KAZN: variants seen among roughly 807,000 people sequenced by gnomAD.
KAZN encodes the protein kazrin.
Under a neutral mutation model 87.4 loss-of-function variants are expected in KAZN, and 40 were observed. The ratio of observed to expected loss-of-function variants is 0.46; its 90% CI spans 0.36 to 0.60. The LOEUF (loss-of-function observed/expected upper bound fraction) is 0.60, where lower values mean the gene tolerates loss of function less well. KAZN is among the 20% of genes least tolerant of loss of function. The pLI, the probability that KAZN is intolerant of heterozygous loss-of-function variation, is 0.00. For missense variants in KAZN, 898 were observed against 1,073.9 expected, an observed-to-expected ratio of 0.84 and a Z score of 2.29; for synonymous variants, 466 against 458.3, an observed-to-expected ratio of 1.02 and a Z score of -0.22.
At chr1:14,596,427 A>G (rs1424928956), upstream of KAZN, among the ~76,000 whole-genome samples, 1 of 152,204 alleles carries the variant, frequency 6.6e-6, no homozygotes, top group Non-Finnish European at 1.5e-5. Flanking sequence ...ATTTGCATAT[A>G]TGACTTTTTG....
chr1:14,886,254 A>G lies in KAZN; in HGVS notation c.227-74430A>G, dbSNP rs553050342. Among the ~76,000 whole-genome samples the G allele has an allele frequency of 3.2e-4, 48 of 151,648 alleles. 3 individuals carry two copies. The South Asian group carries it at 9.6e-3, about 30-fold the overall frequency. ...CTGGGCAACACAGCCATACCACATC[A>G]CTACAAAAAGATTAAAAAATCAGCT... On this transcript the variant is annotated intron_variant, in intron 1 of 14. Coordinates refer to ENST00000376030, the MANE Select transcript of KAZN (RefSeq NM_201628.3).
intron 1 of KAZN, among the ~76,000 whole-genome samples, chr1:14,030,788 A>G (rs1053967895): frequency 6.6e-6 from 1 of 152,098 alleles, no homozygotes; most frequent in Non-Finnish European, 1.5e-5. Flanking sequence ...GTTACTAACG[A>G]CTTAAGGACA....
At chr1:14,419,207 G>A (rs928528683) in intron 2 of KAZN, among the ~76,000 whole-genome samples, 1 of 152,198 alleles carries the variant, frequency 6.6e-6, no homozygotes, top group Non-Finnish European at 1.5e-5. Flanking sequence ...GTGACGCTGT[G>A]AGGACACTGT....
chr1:13,973,199 G>C (rs187850312), intron 1 of KAZN, among the ~76,000 whole-genome samples: 17 of 152,146 alleles, frequency 1.1e-4, no homozygotes, highest in Admixed American at 9.2e-4. Flanking sequence ...GTTCTCCCTT[G>C]ACATGTATCA....
intron 2 of KAZN, among the ~76,000 whole-genome samples, chr1:14,572,753 C>T (rs1674949201): frequency 6.6e-6 from 1 of 152,138 alleles, no homozygotes; most frequent in Non-Finnish European, 1.5e-5. Flanking sequence ...CCCCCCACTC[C>T]CCTGGAAGAG....
rs182139165 is a variant in KAZN, at chr1:14,390,319, T to G, written c.250-208664T>G. ...AGACAGAAAATAAGATTAAGAAAAA[T>G]GTACAGTATGATTTATAATGTAAAC... On this transcript the variant is annotated intron_variant, in intron 2 of 16. Coordinates refer to the KAZN transcript ENST00000636203. 5.5e-3 allele frequency among the ~76,000 whole-genome samples: 842 copies of G among 152,196 alleles called. 5 individuals are homozygous for G. The highest frequency in any genetic ancestry group is 7.8e-3 in the Non-Finnish European group (530 of 68,012).
intron 2 of KAZN, among the ~76,000 whole-genome samples, chr1:14,287,194 G>A (rs756268843): frequency 1.2e-4 from 18 of 152,074 alleles, no homozygotes; most frequent in African/African-American, 3.1e-4. Context: ...CCTTGACACC[G>A]TTTTACATTT....
At chr1:14,632,832 G>A (rs776450011) in intron 1 of KAZN, among the ~76,000 whole-genome samples, 7 of 152,162 alleles carry the variant, frequency 4.6e-5, no homozygotes, top group African/African-American at 7.2e-5. Flanking sequence ...GGACCGTGGC[G>A]TGACCTGAAT....
intron 1 of KAZN, among the ~76,000 whole-genome samples, chr1:14,894,942 G>T (rs1454547526): frequency 3.3e-5 from 5 of 152,256 alleles, no homozygotes; most frequent in Non-Finnish European, 4.4e-5. Context: ...CTGCCCCAGA[G>T]GCTTCTCTCT....
chr1:14,326,499 G>C (rs1656433944), intron 2 of KAZN, among the ~76,000 whole-genome samples: 2 of 152,194 alleles, frequency 1.3e-5, no homozygotes, highest in South Asian at 2.1e-4. Flanking sequence ...TAACAACACA[G>C]TAGCCAGGAT....
chr1:14,674,411 C>T (rs1416371495), intron 1 of KAZN, among the ~76,000 whole-genome samples: 1 of 152,202 alleles, frequency 6.6e-6, no homozygotes, highest in East Asian at 1.9e-4. Flanking sequence ...GCAAAGGTCA[C>T]CCTGGGCTCC....
At chr1:14,674,664 T>C (rs1477339231) in intron 1 of KAZN, among the ~76,000 whole-genome samples, 1 of 152,248 alleles carries the variant, frequency 6.6e-6, no homozygotes, top group Non-Finnish European at 1.5e-5. Context: ...TATTGATGTT[T>C]CTTTGGCAGT....
At chr1:14,444,070 A>C (rs1490699162) in intron 2 of KAZN, among the ~76,000 whole-genome samples, 4 of 152,142 alleles carry the variant, frequency 2.6e-5, no homozygotes, top group Non-Finnish European at 5.9e-5. Context: ...CATTGAACCT[A>C]CCTGGATTAT....
intron 2 of KAZN, among the ~76,000 whole-genome samples, chr1:14,473,904 G>C (rs534944321): frequency 6.6e-6 from 1 of 152,130 alleles, no homozygotes; most frequent in Non-Finnish European, 1.5e-5. Context: ...TCAAATGCTG[G>C]CACCTCTGAA....
rs2101513414 is a variant in KAZN, at chr1:14,923,692, C to A, written c.227-36992C>A. Among the ~76,000 whole-genome samples the A allele has an allele frequency of 6.6e-6, 1 of 152,334 alleles. No homozygotes were observed. The highest frequency in any genetic ancestry group is 2.1e-4 in the South Asian group (1 of 4,830). ...AGCATTCCCCTCACTTAGAGGATGG[C>A]CGGTCACACGCAAAGATGAGCGAAG... On this transcript the variant is annotated intron_variant, in intron 1 of 14. Coordinates refer to ENST00000376030, the MANE Select transcript of KAZN (RefSeq NM_201628.3). This position sits in a 1 kb window ranked among gnomAD's most constrained non-coding sequence, Gnocchi z 4.2.
chr1:14,304,353 G>A (rs1268130087), intron 2 of KAZN, among the ~76,000 whole-genome samples: 8 of 152,104 alleles, frequency 5.3e-5, no homozygotes, highest in Admixed American at 5.2e-4. Context: ...TATTCCTAAG[G>A]ACCTGGTCAG....
chr1:14,945,779 G>A, intron 1 of KAZN: 1 of 609,456 alleles, frequency 1.6e-6, no homozygotes, highest in Non-Finnish European at 2.1e-6. Flanking sequence ...CTGCCCCGCA[G>A]CACTTTCAAG....
At chr1:14,443,941 C>A (rs755188465) in intron 2 of KAZN, among the ~76,000 whole-genome samples, 3 of 152,110 alleles carry the variant, frequency 2.0e-5, no homozygotes, top group Non-Finnish European at 4.4e-5. Context: ...CTAAGCAGAG[C>A]CACCACCTGA....
intron 1 of KAZN, among the ~76,000 whole-genome samples, chr1:14,872,809 C>G (rs1572698657): frequency 6.9e-6 from 1 of 144,898 alleles, no homozygotes; most frequent in African/African-American, 2.6e-5. Context: ...GATGGACGTA[C>G]AGATGGATGG....
Sources: allele counts gnomAD v4.1 joint callset (sites outside exome capture counted in the v4.1 genomes callset), GRCh38; gene constraint gnomAD v4.1.1; non-coding constraint Gnocchi (gnomAD v3.1); transcripts MANE v1.5; gene names NCBI Gene and HGNC (gene_info 2026-07-23, HGNC 2026-07-21).